The following CDH13 variants were observed in gnomAD, a reference collection of about 807,000 sequenced individuals.
CDH13 encodes the protein cadherin 13.
CDH13 carries 24 observed loss-of-function variants against 63.8 expected under a neutral mutation model. That is an observed-to-expected ratio of 0.38 (90% confidence interval 0.27 to 0.53). The LOEUF (loss-of-function observed/expected upper bound fraction) is 0.53, where lower values mean the gene tolerates loss of function less well. Ranked by LOEUF, CDH13 falls within the 20% of genes least tolerant of loss-of-function variation. The pLI is 0.85. For missense variants in CDH13, 1,049 were observed against 903.1 expected, an observed-to-expected ratio of 1.16 and a Z score of -2.07; for synonymous variants, 503 against 355.3, an observed-to-expected ratio of 1.42 and a Z score of -4.67.
chr16:83,087,535 G>A (rs1003794164), intron 3 of CDH13, among the ~76,000 whole-genome samples: 2 of 151,858 alleles, frequency 1.3e-5, no homozygotes, highest in Non-Finnish European at 2.9e-5. Flanking sequence ...AGGTGCGGTG[G>A]CATGTGCCTA....
intron 10 of CDH13, among the ~76,000 whole-genome samples, chr16:83,746,173 T>C (rs1912564006): frequency 6.6e-6 from 1 of 152,040 alleles, no homozygotes; most frequent in African/African-American, 2.4e-5. Flanking sequence ...AGGACAGAAG[T>C]CCAAAATCAG....
intron 7 of CDH13, among the ~76,000 whole-genome samples, chr16:83,569,269 C>T (rs1904349063): frequency 6.6e-6 from 1 of 152,176 alleles, no homozygotes; most frequent in African/African-American, 2.4e-5. Context: ...TCCCCTCCCT[C>T]TCCCCATTGG....
At chr16:82,908,772 A>C (rs955373276) in intron 2 of CDH13, among the ~76,000 whole-genome samples, 5 of 152,178 alleles carry the variant, frequency 3.3e-5, no homozygotes, top group African/African-American at 4.8e-5. Flanking sequence ...TCTCTTTTAT[A>C]ATATAGTGTA....
intron 1 of CDH13, among the ~76,000 whole-genome samples, chr16:82,635,198 C>G (rs1270491684): frequency 6.6e-6 from 1 of 152,214 alleles, no homozygotes; most frequent in African/African-American, 2.4e-5. Context: ...AGAACAGTGC[C>G]TGGCACATAG....
chr16:83,494,850 G>C (rs1002300815), intron 7 of CDH13, among the ~76,000 whole-genome samples: 1 of 152,064 alleles, frequency 6.6e-6, no homozygotes, highest in Admixed American at 6.6e-5. Flanking sequence ...CTTGTTGATC[G>C]TATTATTTAG....
intron 1 of CDH13, among the ~76,000 whole-genome samples, chr16:82,758,733 A>G (rs1333755630): frequency 6.6e-6 from 1 of 152,230 alleles, no homozygotes; most frequent in African/African-American, 2.4e-5. Context: ...TGTAACAGGC[A>G]TTAGGCTGCT....
intron 1 of CDH13, among the ~76,000 whole-genome samples, chr16:82,638,260 C>G (rs1387788750): frequency 1.3e-5 from 2 of 152,156 alleles, no homozygotes; most frequent in African/African-American, 4.8e-5. Context: ...CTGGGGCTGG[C>G]CTGGACCCAG....
intron 2 of CDH13, among the ~76,000 whole-genome samples, chr16:82,975,391 C>G (rs1434714718): frequency 6.6e-6 from 1 of 152,308 alleles, no homozygotes; most frequent in Non-Finnish European, 1.5e-5. Flanking sequence ...CAGTCGTAGT[C>G]AGGCCTGGGT....
chr16:83,442,795 A>C (rs939062106), intron 6 of CDH13, among the ~76,000 whole-genome samples: 1 of 152,262 alleles, frequency 6.6e-6, no homozygotes, highest in Admixed American at 6.5e-5. Context: ...AATGTTTATA[A>C]ATGAACATCC....
rs138738808 is a variant in CDH13 at position 82,799,317 on chromosome 16, G to A, written c.46-59045G>A. The stretch of plus-strand genomic sequence containing the variant: ...AGTTGGTCTTGAAATATTGTATACA[G>A]CCCAAATTAAGAGCTTGGCACCCAA... On this transcript the variant is annotated intron_variant, in intron 1 of 13. Transcript: ENST00000567109. Among the ~76,000 whole-genome samples, 569 of 152,286 alleles carry A rather than the reference G, an allele frequency of 3.7e-3. 3 individuals are homozygous for A. The highest frequency in any genetic ancestry group is 0.013 in the African/African-American group (538 of 41,554).
At chr16:82,858,592 T>G in intron 2 of CDH13, 119 bp downstream of exon 2, 1 of 781,058 alleles carries the variant, frequency 1.3e-6, no homozygotes, top group African/African-American at 1.7e-5. Context: ...ATTATTTTTC[T>G]TATGTCACTG....
At chr16:83,778,693 T>C (rs187550296) in intron 11 of CDH13, among the ~76,000 whole-genome samples, 142 of 152,336 alleles carry the variant, frequency 9.3e-4, no homozygotes, top group African/African-American at 3.2e-3. Flanking sequence ...ATTGCTTCTA[T>C]GCCCCTGTAG....
At chr16:82,870,170 C>T (rs189978118) in intron 2 of CDH13, among the ~76,000 whole-genome samples, 8 of 152,142 alleles carry the variant, frequency 5.3e-5, no homozygotes, top group African/African-American at 7.2e-5. Flanking sequence ...TATGAATTGA[C>T]GTTTCTCAAA....
At chr16:83,698,525 C>T (rs186392557) in intron 10 of CDH13, among the ~76,000 whole-genome samples, 5 of 152,300 alleles carry the variant, frequency 3.3e-5, no homozygotes, top group Admixed American at 2.0e-4. Flanking sequence ...AAAGTTGATG[C>T]GGCCAGGAGC....
At chr16:83,252,495 C>G (rs1597598749) in intron 5 of CDH13, among the ~76,000 whole-genome samples, 1 of 151,964 alleles carries the variant, frequency 6.6e-6, no homozygotes, top group African/African-American at 2.4e-5. Flanking sequence ...TAGGAGCACG[C>G]CTATTCTTAA....
chr16:83,651,591 T>C lies in CDH13; in HGVS notation c.1102-19199T>C, dbSNP rs1302461808. ...CTCATTGGTCTTTTATTTTCCTCTT[T>C]TTTTTTTTTTTTTTTTTTTTTTGAG... On this transcript the variant is annotated intron_variant, in intron 8 of 13. Transcript: ENST00000567109. Among the ~76,000 whole-genome samples the C allele has an allele frequency of 9.6e-5, 10 of 104,406 alleles. No individual in the cohort carries two copies. In the South Asian group the frequency reaches 3.4e-3, roughly 35 times the overall value. 68.5% of individuals were successfully genotyped at this position (104,406 alleles called of 152,430 possible).
chr16:83,542,448 C>G (rs1179305758), intron 7 of CDH13, among the ~76,000 whole-genome samples: 1 of 152,214 alleles, frequency 6.6e-6, no homozygotes, highest in Admixed American at 6.5e-5. Flanking sequence ...TTCAGTATGT[C>G]TGGCATAGGG....
chr16:83,744,706 G>A (rs368540407), intron 10 of CDH13, among the ~76,000 whole-genome samples: 11 of 152,252 alleles, frequency 7.2e-5, no homozygotes, highest in East Asian at 1.9e-4. Context: ...CCCCGAGGGC[G>A]CCCCGCACAA....
intron 2 of CDH13, among the ~76,000 whole-genome samples, chr16:82,997,059 ATGGTGATGG>A (rs1330924852): frequency 2.0e-5 from 3 of 148,970 alleles, no homozygotes; most frequent in Non-Finnish European, 3.0e-5. Context: ...GATGATAGTG[ATGGTGATGG>A]TGGTGATGGT....
Sources: gnomAD v4.1 joint callset for allele counts (sites outside exome capture counted in the v4.1 genomes callset) on GRCh38, gnomAD v4.1.1 for gene constraint, MANE v1.5 for transcripts, NCBI Gene and HGNC (gene_info 2026-07-23, HGNC 2026-07-21) for gene names.